SH3GLB1: variants seen among roughly 807,000 people sequenced by gnomAD.
The protein encoded by SH3GLB1 is endophilin-B1.
A neutral mutation model predicts 42.0 loss-of-function variants in SH3GLB1; 17 were observed. The ratio of observed to expected loss-of-function variants is 0.40; its 90% CI spans 0.28 to 0.61. The LOEUF is 0.61. Ranked by LOEUF, SH3GLB1 falls within the 20% of genes least tolerant of loss-of-function variation. SH3GLB1 has a pLI of 0.36. For missense variants in SH3GLB1, 355 were observed against 426.3 expected (o/e 0.83, Z 1.47); for synonymous variants, 132 against 146.6 (o/e 0.90, Z 0.72).
intron 3 of SH3GLB1, among the ~76,000 whole-genome samples, chr1:86,721,384 CTAGTA>C (rs953826610): frequency 3.3e-5 from 5 of 152,160 alleles, no homozygotes; most frequent in Admixed American, 3.3e-4. Context: ...ACAGTCACAG[CTAGTA>C]TAGTAATTCA....
rs145705116 is a variant in SH3GLB1 at position 86,729,109 on chromosome 1, T to G, written c.570+4704T>G. Among the ~76,000 whole-genome samples the G allele has an allele frequency of 7.3e-3, 1,117 of 152,304 alleles. 14 individuals are homozygous for G. The highest frequency in any genetic ancestry group is 0.025 in the African/African-American group (1,058 of 41,582). On this transcript the variant is annotated intron_variant, in intron 5 of 8. Coordinates refer to ENST00000370558, the MANE Select transcript of SH3GLB1 (RefSeq NM_016009.5). The stretch of plus-strand genomic sequence containing the variant: ...GCTTAGTTTGAGAAAATTTTTGAGC[T>G]ATTAGAAGTTTTTTATTTTAGTAAA...
chr1:86,723,103 G>T (rs1370209534), intron 4 of SH3GLB1, among the ~76,000 whole-genome samples: 1 of 152,176 alleles, frequency 6.6e-6, no homozygotes, highest in Admixed American at 6.5e-5. Context: ...TTAATTTGCA[G>T]ATTTCCTATT....
chr1:86,724,912 T>TAAAA (rs375596882), intron 5 of SH3GLB1, among the ~76,000 whole-genome samples: 1 of 123,130 alleles, frequency 8.1e-6, no homozygotes. Context: ...TATATATATA[T>TAAAA]AAAATATATA....
chr1:86,743,273 G>T lies in SH3GLB1; in HGVS notation c.*38G>T, dbSNP rs778709456. ...TGGAAAGGTTGCCCATCATGACTTT[G>T]TATTTATATACAATTAACTCTAAAT... On this transcript the variant is annotated 3_prime_UTR_variant, in exon 9 of 9. Coordinates refer to ENST00000370558, the MANE Select transcript of SH3GLB1 (RefSeq NM_016009.5). 1.5e-5 allele frequency: 20 copies of T among 1,377,384 alleles called. No homozygotes were observed. Among genetic ancestry groups the T allele is most frequent in the South Asian group, 1.2e-4 (9 of 76,784 alleles). 85.3% of individuals were successfully genotyped at this position (1,377,384 alleles called of 1,614,324 possible).
At chr1:86,710,581 T>G (rs1654157331) in intron 1 of SH3GLB1, among the ~76,000 whole-genome samples, 1 of 152,176 alleles carries the variant, frequency 6.6e-6, no homozygotes, top group African/African-American at 2.4e-5. Flanking sequence ...GAAAGTATTT[T>G]TAAGGTAATG....
Position 86,748,140 on chromosome 1 carries a change from A to G in SH3GLB1, c.*4905A>G, listed in dbSNP as rs770700585. ...CCACATTTTATTAAACTACTGTTCA[A>G]TTTTTAGGTTTCCAACTTTCATTAA... On this transcript the variant is annotated 3_prime_UTR_variant, in exon 9 of 9. Transcript: ENST00000370558. 18 of 151,746 alleles carry G rather than the reference A, an allele frequency of 1.2e-4. No homozygotes were observed. Among genetic ancestry groups the G allele is most frequent in the Non-Finnish European group, 2.2e-4 (15 of 67,984 alleles). The allele number at this position is 151,746 out of a possible 1,614,324, so 9.4% of individuals were successfully genotyped here.
At chr1:86,740,495 G>A (rs1481953543) in intron 7 of SH3GLB1, among the ~76,000 whole-genome samples, 2 of 152,226 alleles carry the variant, frequency 1.3e-5, no homozygotes, top group African/African-American at 4.8e-5. Flanking sequence ...TAAGAAATGA[G>A]AGCATATCTA....
Position 86,704,826 on chromosome 1 carries a change from G to A in SH3GLB1, c.-74G>A. 2 of 1,021,048 alleles carry A rather than the reference G, an allele frequency of 2.0e-6. No individual in the cohort carries two copies. The highest frequency in any genetic ancestry group is 3.4e-5 in the African/African-American group (2 of 59,286). 63.2% of individuals were successfully genotyped at this position (1,021,048 alleles called of 1,614,324 possible). A position where few individuals can be genotyped will look rare whatever the true frequency, so the allele number is the denominator to read the frequency against. ...CGTCTGCCCTCGCCGCTCTAGCCCTGCGCCCCAGCCCGGCCGCGGCACCTC... is the reference window on the plus strand; with the variant it reads ...CGTCTGCCCTCGCCGCTCTAGCCCTACGCCCCAGCCCGGCCGCGGCACCTC... On this transcript the variant is annotated 5_prime_UTR_variant, in exon 1 of 9. Coordinates refer to ENST00000370558, the MANE Select transcript of SH3GLB1 (RefSeq NM_016009.5).
intron 1 of SH3GLB1, among the ~76,000 whole-genome samples, chr1:86,714,117 G>C (rs1447141928): frequency 6.6e-6 from 1 of 152,160 alleles, no homozygotes; most frequent in African/African-American, 2.4e-5. Context: ...CTCTTTATAG[G>C]TGATGTTCAC....
At chr1:86,733,658 A>G (rs1204296787) in intron 5 of SH3GLB1, among the ~76,000 whole-genome samples, 1 of 152,194 alleles carries the variant, frequency 6.6e-6, no homozygotes, top group Non-Finnish European at 1.5e-5. Flanking sequence ...AGGTTTGAGA[A>G]GATGTTTTTT....
At chr1:86,715,495 A>G (rs543029601) in intron 1 of SH3GLB1, among the ~76,000 whole-genome samples, 2 of 152,314 alleles carry the variant, frequency 1.3e-5, no homozygotes, top group South Asian at 4.1e-4. Context: ...ACATTTTAGC[A>G]GAACTAAGGG....
intron 5 of SH3GLB1, among the ~76,000 whole-genome samples, chr1:86,727,891 G>T (rs1264954659): frequency 6.6e-6 from 1 of 151,942 alleles, no homozygotes; most frequent in Non-Finnish European, 1.5e-5. Flanking sequence ...TAAATTTAGA[G>T]CACCATCAGT....
chr1:86,704,701 C>T lies in SH3GLB1; in HGVS notation c.-199C>T, dbSNP rs1653706987. The T allele has an allele frequency of 4.5e-6, 2 of 442,216 alleles. No homozygotes were observed. The highest frequency in any genetic ancestry group is 4.2e-5 in the African/African-American group (2 of 47,320). The allele number at this position is 442,216 out of a possible 1,614,324, so 27.4% of individuals were successfully genotyped here. On this transcript the variant is annotated 5_prime_UTR_variant, in exon 1 of 9. Coordinates refer to ENST00000370558, the MANE Select transcript of SH3GLB1 (RefSeq NM_016009.5). ...GACTGACCCATCCTTGGCGCTGCCG[C>T]CGCGCGCTTGTTCTCCTCCCTCGCC...
intron 7 of SH3GLB1, 75 bp from the exon 8 acceptor site, chr1:86,742,133 C>A: frequency 9.8e-7 from 1 of 1,018,612 alleles, no homozygotes; most frequent in Non-Finnish European, 1.5e-6. Flanking sequence ...AGAAAGTAAA[C>A]AGCGCCACCG....
rs537749157 is a variant in SH3GLB1, at chr1:86,717,578, T to C, written c.214+1713T>C. Reference sequence around the variant, plus strand: ...CTGGGATTACAGGTGTCCACCACCATACCCGGCTAATTTTTGTATTTTTAG... The same window carrying C: ...CTGGGATTACAGGTGTCCACCACCACACCCGGCTAATTTTTGTATTTTTAG... On this transcript the variant is annotated intron_variant, in intron 2 of 8. Coordinates refer to ENST00000370558, the MANE Select transcript of SH3GLB1 (RefSeq NM_016009.5). 1.2e-4 allele frequency among the ~76,000 whole-genome samples: 19 copies of C among 152,112 alleles called. No homozygotes were observed. The East Asian group carries it at 3.7e-3, about 29-fold the overall frequency.
intron 7 of SH3GLB1, among the ~76,000 whole-genome samples, chr1:86,738,848 T>C (rs1436044185): frequency 6.6e-6 from 1 of 151,924 alleles, no homozygotes; most frequent in East Asian, 1.9e-4. Context: ...TTCACCATGT[T>C]AGCCAGGCTG....
intron 4 of SH3GLB1, among the ~76,000 whole-genome samples, chr1:86,723,388 C>T (rs1215793800): frequency 1.3e-5 from 2 of 152,058 alleles, no homozygotes; most frequent in African/African-American, 4.8e-5. Flanking sequence ...GTGGCAGGTG[C>T]CTGTAATTCC....
intron 5 of SH3GLB1, chr1:86,734,130 A>C (rs553912225): frequency 1.3e-5 from 2 of 152,328 alleles, no homozygotes; most frequent in African/African-American, 4.8e-5. Flanking sequence ...TGAAAATCCT[A>C]TGGCTTCACT....
chr1:86,708,526 C>T (rs529794087), intron 1 of SH3GLB1, among the ~76,000 whole-genome samples: 6 of 152,198 alleles, frequency 3.9e-5, no homozygotes, highest in East Asian at 1.9e-4. Context: ...CACATAGATG[C>T]GTCCCATCAC....
Sources: allele counts gnomAD v4.1 joint callset (sites outside exome capture counted in the v4.1 genomes callset), GRCh38; gene constraint gnomAD v4.1.1; transcripts MANE v1.5; gene names NCBI Gene and HGNC (gene_info 2026-07-23, HGNC 2026-07-21).